GNA12: variants seen among roughly 807,000 people sequenced by gnomAD.
The protein encoded by GNA12 is guanine nucleotide-binding protein subunit alpha-12.
A neutral mutation model predicts 26.0 loss-of-function variants in GNA12; 9 were observed. The observed-to-expected ratio is 0.35, with a 90% CI of 0.21 to 0.60. GNA12 has a LOEUF of 0.60. GNA12 is among the 20% of genes least tolerant of loss of function. GNA12 has a pLI of 0.78. For synonymous variants in GNA12, 264 were observed against 219.6 expected (o/e 1.20, Z -1.79); for missense variants, 405 against 525.8 (o/e 0.77, Z 2.25).
chr7:2,819,092 A>G (rs1156836211), intron 1 of GNA12, among the ~76,000 whole-genome samples: 1 of 152,154 alleles, frequency 6.6e-6, no homozygotes, highest in Non-Finnish European at 1.5e-5. Context: ...CCTTACAAGC[A>G]GATGTGGAAG....
At chr7:2,826,376 CAAA>C (rs71026566) in intron 1 of GNA12, among the ~76,000 whole-genome samples, 232 of 107,750 alleles carry the variant, frequency 2.2e-3, no homozygotes, top group South Asian at 4.8e-3. Flanking sequence ...GACTCCATCT[CAAA>C]AAAAAAAAAA....
chr7:2,737,263 A>AGTTTT lies in GNA12; in HGVS notation c.526-3767_526-3763dup, dbSNP rs569069278. On this transcript the variant is annotated intron_variant, in intron 2 of 3. Transcript: ENST00000275364. ...TCTGCCCATTCAGGAGCTATCTCACAGTTTTGTTTTGTTTTTTTTTTTTTT... is the reference window on the plus strand; with the variant it reads ...TCTGCCCATTCAGGAGCTATCTCACAGTTTTGTTTTGTTTTGTTTTTTTTTTTTTT... Among the ~76,000 whole-genome samples the AGTTTT allele has an allele frequency of 5.9e-4, 47 of 79,582 alleles. 1 individual carries two copies. Among genetic ancestry groups the AGTTTT allele is most frequent in the East Asian group, 1.7e-3 (4 of 2,332 alleles). 52.2% of individuals were successfully genotyped at this position (79,582 alleles called of 152,430 possible). A position where few individuals can be genotyped will look rare whatever the true frequency, so the allele number is the denominator to read the frequency against.
intron 2 of GNA12, among the ~76,000 whole-genome samples, chr7:2,779,088 G>C (rs550802406): frequency 1.3e-5 from 2 of 152,298 alleles, no homozygotes; most frequent in South Asian, 4.1e-4. Context: ...GCTGGGCGTG[G>C]TGGCTCCTGC....
chr7:2,836,686 G>A (rs1238253736), intron 1 of GNA12, among the ~76,000 whole-genome samples: 1 of 152,104 alleles, frequency 6.6e-6, no homozygotes, highest in Admixed American at 6.5e-5. Flanking sequence ...CACTTTGGGA[G>A]GCCGAGGCGG....
At chr7:2,774,483 C>T (rs907709866) in intron 2 of GNA12, among the ~76,000 whole-genome samples, 9 of 152,038 alleles carry the variant, frequency 5.9e-5, no homozygotes, top group East Asian at 1.9e-4. Context: ...GCCCTGATGG[C>T]GCTGGGAGGC....
At chr7:2,775,825 A>G (rs982893572) in intron 2 of GNA12, among the ~76,000 whole-genome samples, 6 of 152,106 alleles carry the variant, frequency 3.9e-5, no homozygotes, top group African/African-American at 1.2e-4. Flanking sequence ...CAGAGCTGGC[A>G]GAGTCCTCCC....
In GNA12 at chr7:2,844,003, C is replaced by G; in HGVS notation, c.159G>C (p.Ala53=). Residue 53 remains alanine (A), a synonymous_variant, in exon 1 of 4, where the codon GCG becomes GCC. Transcript: ENST00000275364. ...GCAGGATCTTCACCAGGCGCCGGACCGCGCGCCGCTCGCGGGCCAGCAGCG... is the reference window on the plus strand; with the variant it reads ...GCAGGATCTTCACCAGGCGCCGGACGGCGCGCCGCTCGCGGGCCAGCAGCG... ...IDALLARERR[A]VRRLVKILLL... is the part of the protein sequence containing the mutation. 6.5e-7 allele frequency: 1 copy of G among 1,540,340 alleles called. No homozygotes were observed. Among genetic ancestry groups the G allele is most frequent in the Non-Finnish European group, 8.7e-7 (1 of 1,144,350 alleles).
At chr7:2,753,390 A>T (rs1382139187) in intron 2 of GNA12, among the ~76,000 whole-genome samples, 1 of 68,158 alleles carries the variant, frequency 1.5e-5, no homozygotes, top group Admixed American at 1.7e-4. Flanking sequence ...GGCTCAAGCC[A>T]TCCTCCCAAA....
At chr7:2,773,797 C>T (rs1792007566) in intron 2 of GNA12, among the ~76,000 whole-genome samples, 2 of 152,194 alleles carry the variant, frequency 1.3e-5, no homozygotes, top group Admixed American at 1.3e-4. Flanking sequence ...TACATCTCTT[C>T]ACCAAAAGAC....
intron 1 of GNA12, chr7:2,814,420 T>C (rs1793166127): frequency 1.6e-6 from 2 of 1,267,650 alleles, no homozygotes; most frequent in Admixed American, 3.4e-5. Context: ...ATTCCTATAA[T>C]CTGAATTAAA....
At position 2,812,749 on chromosome 7, in the gene GNA12, C is replaced by T. The variant is rs192352216; in HGVS notation, c.310-17606G>A. 3.6e-4 allele frequency among the ~76,000 whole-genome samples: 51 copies of T among 140,958 alleles called. No individual in the cohort carries two copies. In the Middle Eastern group the frequency reaches 0.019, roughly 54 times the overall value. The allele number at this position is 140,958 out of a possible 152,430, so 92.5% of individuals were successfully genotyped here. On this transcript the variant is annotated intron_variant, in intron 1 of 3. Coordinates refer to ENST00000275364, the MANE Select transcript of GNA12 (RefSeq NM_007353.3). ...GCCACCTTCTACGATGGTGCTTCAC[C>T]AGGGCCACATGAAGGCACAGACGTT...
intron 1 of GNA12, among the ~76,000 whole-genome samples, chr7:2,813,935 C>G (rs909105637): frequency 6.6e-6 from 1 of 152,130 alleles, no homozygotes; most frequent in Non-Finnish European, 1.5e-5. Context: ...AGTGGCTGGG[C>G]ACCTTCCAAT....
intron 1 of GNA12, chr7:2,814,830 C>T (rs1293079071): frequency 7.6e-6 from 12 of 1,572,296 alleles, no homozygotes; most frequent in Non-Finnish European, 1.0e-5. Context: ...TCCTGTGCTC[C>T]CGACAGCACC....
At chr7:2,835,525 C>G in intron 1 of GNA12, 1 of 459,176 alleles carries the variant, frequency 2.2e-6, no homozygotes, top group Admixed American at 3.8e-5. Context: ...AATGTGGAGA[C>G]AGGGTTGTAT....
intron 1 of GNA12, among the ~76,000 whole-genome samples, chr7:2,842,987 A>G (rs2527677): frequency 0.24 from 37,272 of 152,164 alleles, 5,213 homozygotes; most frequent in East Asian, 0.34. Flanking sequence ...CTACTTTTGT[A>G]TACATTTGAA....
intron 1 of GNA12, among the ~76,000 whole-genome samples, chr7:2,825,870 AG>A (rs1793474097): frequency 6.6e-6 from 1 of 152,142 alleles, no homozygotes; most frequent in South Asian, 2.1e-4. Flanking sequence ...CCCACCACCC[AG>A]GGGACAACCA....
At chr7:2,841,863 C>G (rs917556805) in intron 1 of GNA12, among the ~76,000 whole-genome samples, 7 of 152,118 alleles carry the variant, frequency 4.6e-5, no homozygotes, top group African/African-American at 1.7e-4. Context: ...ACCATAAAAC[C>G]TAGTCTCCAG....
chr7:2,741,743 C>G (rs1790516369), intron 2 of GNA12, among the ~76,000 whole-genome samples: 1 of 151,842 alleles, frequency 6.6e-6, no homozygotes, highest in African/African-American at 2.4e-5. Flanking sequence ...GTTGTTTACC[C>G]CTAACAACTT....
chr7:2,769,795 G>T (rs1014490216), intron 2 of GNA12, among the ~76,000 whole-genome samples: 1 of 152,002 alleles, frequency 6.6e-6, no homozygotes, highest in African/African-American at 2.4e-5. Flanking sequence ...TCCCAAAAAG[G>T]TTGTACCAAT....
Sources: allele counts gnomAD v4.1 joint callset (sites outside exome capture counted in the v4.1 genomes callset), GRCh38; gene constraint gnomAD v4.1.1; transcripts MANE v1.5; gene names NCBI Gene and HGNC (gene_info 2026-07-23, HGNC 2026-07-21).